The following NELL1 variants were observed in gnomAD, a reference collection of about 807,000 sequenced individuals.
NELL1 encodes the protein neural EGFL like 1.
A neutral mutation model predicts 107.4 loss-of-function variants in NELL1; 76 were observed. That is an observed-to-expected ratio of 0.71 (90% confidence interval 0.59 to 0.86). The LOEUF (loss-of-function observed/expected upper bound fraction) is 0.86. NELL1 is among the 40% of genes least tolerant of loss of function. The pLI, the probability that NELL1 is intolerant of heterozygous loss-of-function variation, is 0.00. For missense variants in NELL1, 1,024 were observed against 1,005.5 expected, an observed-to-expected ratio of 1.02 and a Z score of -0.25; for synonymous variants, 353 against 341.2, an observed-to-expected ratio of 1.03 and a Z score of -0.38.
intron 12 of NELL1, among the ~76,000 whole-genome samples, chr11:20,994,390 G>C (rs1489921303): frequency 6.6e-6 from 1 of 152,226 alleles, no homozygotes; most frequent in Non-Finnish European, 1.5e-5. Flanking sequence ...GTAGTGATCA[G>C]TGCTTCTACT....
chr11:21,011,928 T>C (rs891957104), intron 12 of NELL1, among the ~76,000 whole-genome samples: 1 of 152,190 alleles, frequency 6.6e-6, no homozygotes, highest in Non-Finnish European at 1.5e-5. Flanking sequence ...CTTCTGGAGT[T>C]ATTTCTATCA....
intron 2 of NELL1, among the ~76,000 whole-genome samples, chr11:20,721,181 G>GTGTATATATATATATATATA (rs1554906545): frequency 1.6e-5 from 2 of 125,850 alleles, no homozygotes; most frequent in African/African-American, 7.2e-5. Flanking sequence ...TATATTTTGT[G>GTGTATATATATATATATATA]TATATATATA....
intron 12 of NELL1, among the ~76,000 whole-genome samples, chr11:21,014,106 T>G (rs990667285): frequency 6.6e-6 from 1 of 152,148 alleles, no homozygotes; most frequent in Non-Finnish European, 1.5e-5. Context: ...GCTGTTTCAG[T>G]TGACTCTTCT....
intron 12 of NELL1, among the ~76,000 whole-genome samples, chr11:21,029,143 C>G (rs887586147): frequency 1.3e-5 from 2 of 152,040 alleles, no homozygotes; most frequent in African/African-American, 4.8e-5. Flanking sequence ...TGTGCTTGCT[C>G]TGCTATACTT....
At chr11:20,902,919 T>C (rs976221437) in intron 5 of NELL1, among the ~76,000 whole-genome samples, 1 of 152,006 alleles carries the variant, frequency 6.6e-6, no homozygotes, top group African/African-American at 2.4e-5. Flanking sequence ...TATTGATACA[T>C]CCATATATAT....
chr11:20,749,233 G>A (rs766561081), intron 2 of NELL1, among the ~76,000 whole-genome samples: 8 of 152,196 alleles, frequency 5.3e-5, no homozygotes, highest in East Asian at 3.9e-4. Flanking sequence ...GGACTATGGC[G>A]GGCGAGAAAT....
At chr11:20,942,688 C>T (rs1429059664) in intron 10 of NELL1, among the ~76,000 whole-genome samples, 3 of 152,184 alleles carry the variant, frequency 2.0e-5, no homozygotes, top group Non-Finnish European at 4.4e-5. Context: ...ATACCATTCT[C>T]TCTGAACATT....
chr11:20,697,872 C>A (rs1854666383), intron 2 of NELL1, among the ~76,000 whole-genome samples: 1 of 152,116 alleles, frequency 6.6e-6, no homozygotes, highest in Non-Finnish European at 1.5e-5. Flanking sequence ...CATGTGTAAC[C>A]ATTTTCACAA....
At chr11:21,372,249 A>G (rs1851373117) in intron 15 of NELL1, among the ~76,000 whole-genome samples, 1 of 152,030 alleles carries the variant, frequency 6.6e-6, no homozygotes, top group Non-Finnish European at 1.5e-5. Context: ...TTACTGAACT[A>G]CATTTAATTT....
intron 14 of NELL1, among the ~76,000 whole-genome samples, chr11:21,289,689 AGCC>A (rs1849206943): frequency 6.6e-6 from 1 of 152,210 alleles, no homozygotes; most frequent in African/African-American, 2.4e-5. Context: ...AAAAGGCTGA[AGCC>A]AGGGAGCCAG....
At position 21,489,548 on chromosome 11, in the gene NELL1, A is replaced by G. The variant is rs182541722; in HGVS notation, c.1646-44826A>G. On this transcript the variant is annotated intron_variant, in intron 15 of 19. Coordinates refer to ENST00000357134, the MANE Select transcript of NELL1 (RefSeq NM_006157.5). ...AATTAGATGTAAAAATCTTCCACAG[A>G]ATAATACTAGCAAGCTGAATCCAAC... Among the ~76,000 whole-genome samples the G allele has an allele frequency of 1.2e-3, 175 of 152,162 alleles. 2 individuals are homozygous for G. Among genetic ancestry groups the G allele is most frequent in the African/African-American group, 4.1e-3 (172 of 41,550 alleles).
intron 2 of NELL1, among the ~76,000 whole-genome samples, chr11:20,690,756 G>A (rs1421915571): frequency 1.3e-5 from 2 of 151,796 alleles, no homozygotes; most frequent in Admixed American, 6.6e-5. Flanking sequence ...GGATTGACTT[G>A]GCGATGTGGG....
chr11:21,296,876 TA>T lies in NELL1; in HGVS notation c.1549+67424del, dbSNP rs1338916585. ...AAGATAATATTTCTATACTAATATA[TA>T]ATATAGTCCATGAAATGATATACTT... On this transcript the variant is annotated intron_variant, in intron 14 of 19. Transcript: ENST00000357134. Among the ~76,000 whole-genome samples the T allele has an allele frequency of 9.2e-5, 14 of 151,576 alleles. No homozygotes were observed. The South Asian group carries it at 2.7e-3, about 29-fold the overall frequency.
chr11:21,496,651 C>T (rs1286737815), intron 15 of NELL1, among the ~76,000 whole-genome samples: 2 of 152,108 alleles, frequency 1.3e-5, no homozygotes, highest in East Asian at 3.9e-4. Flanking sequence ...CCTCGTGATC[C>T]ACTTGCCTCA....
intron 14 of NELL1, among the ~76,000 whole-genome samples, chr11:21,271,545 A>G (rs1848739599): frequency 6.6e-6 from 1 of 152,232 alleles, no homozygotes; most frequent in South Asian, 2.1e-4. Context: ...TCTACCAAAC[A>G]TTTATGAAAG....
At chr11:21,247,955 G>A (rs1032075093) in intron 14 of NELL1, among the ~76,000 whole-genome samples, 2 of 152,152 alleles carry the variant, frequency 1.3e-5, no homozygotes, top group African/African-American at 4.8e-5. Flanking sequence ...TCATATGGAC[G>A]GTGGAGGAAG....
intron 12 of NELL1, among the ~76,000 whole-genome samples, chr11:21,006,145 G>T (rs184076367): frequency 1.3e-5 from 2 of 152,130 alleles, no homozygotes; most frequent in South Asian, 2.1e-4. Flanking sequence ...GCTATGATTT[G>T]AATGTGTCCC....
chr11:21,491,727 C>G (rs1252914587), intron 15 of NELL1, among the ~76,000 whole-genome samples: 1 of 152,038 alleles, frequency 6.6e-6, no homozygotes, highest in Non-Finnish European at 1.5e-5. Context: ...TTTTCCAATT[C>G]TCTGAAGAAA....
intron 15 of NELL1, among the ~76,000 whole-genome samples, chr11:21,446,950 C>G (rs938434724): frequency 6.6e-6 from 1 of 152,206 alleles, no homozygotes; most frequent in African/African-American, 2.4e-5. Flanking sequence ...ACTTGTTGCT[C>G]TATTCTACTG....
Sources: gnomAD v4.1 joint callset for allele counts (sites outside exome capture counted in the v4.1 genomes callset) on GRCh38, gnomAD v4.1.1 for gene constraint, MANE v1.5 for transcripts, NCBI Gene and HGNC (gene_info 2026-07-23, HGNC 2026-07-21) for gene names.